The following SLC25A48 variants were observed in gnomAD, a reference collection of about 807,000 sequenced individuals.
The protein encoded by SLC25A48 is CTC-321K16.1.
SLC25A48 carries 29 observed loss-of-function variants against 32.2 expected under a neutral mutation model. The observed-to-expected ratio is 0.90, with a 90% CI of 0.67 to 1.23. The LOEUF is 1.23. Among genes scored for constraint, SLC25A48 ranks in the 50% most tolerant of loss-of-function variants. The pLI, the probability that SLC25A48 is intolerant of heterozygous loss-of-function variation, is 0.00. For synonymous variants in SLC25A48, 164 were observed against 172.3 expected (o/e 0.95, Z 0.38); for missense variants, 399 against 422.7 (o/e 0.94, Z 0.49).
At chr5:135,690,571 C>T (rs1254456851) in intron 3 of SLC25A48, among the ~76,000 whole-genome samples, 3 of 152,184 alleles carry the variant, frequency 2.0e-5, no homozygotes. Context: ...ATTTGCAGCC[C>T]CCACCTGTCC....
At chr5:135,782,241 TGAC>T in intron 3 of SLC25A48, among the ~76,000 whole-genome samples, 3 of 115,976 alleles carry the variant, frequency 2.6e-5, no homozygotes, top group Middle Eastern at 4.6e-3. Context: ...AGGGAGAGGA[TGAC>T]ATTACTCCCA....
rs966457505 is a variant in SLC25A48, at chr5:135,690,628, T to TC, written c.-521+55675dup. Among the ~76,000 whole-genome samples, 5 of 152,292 alleles carry TC rather than the reference T, an allele frequency of 3.3e-5. 1 individual carries two copies. The highest frequency in any genetic ancestry group is 1.2e-4 in the African/African-American group (5 of 41,558). ...TTATGCTGTGCCATCAGCTGAGCCC[T>TC]CCCTTCCCAAAACACCTGCTCATTA... On this transcript the variant is annotated intron_variant, in intron 3 of 10. Coordinates refer to the SLC25A48 transcript ENST00000646290.
At chr5:135,582,031 C>T (rs1447792616) in intron 1 of SLC25A48, among the ~76,000 whole-genome samples, 1 of 152,170 alleles carries the variant, frequency 6.6e-6, no homozygotes, top group African/African-American at 2.4e-5. Context: ...AAGGACAGCA[C>T]ACATGCCTTG....
At chr5:135,628,344 C>T (rs1752484907) in intron 1 of SLC25A48, among the ~76,000 whole-genome samples, 1 of 152,088 alleles carries the variant, frequency 6.6e-6, no homozygotes, top group South Asian at 2.1e-4. Context: ...GGGGAGAATC[C>T]CTCGGAGGTT....
chr5:135,640,600 AT>A (rs1356787904), intron 3 of SLC25A48, among the ~76,000 whole-genome samples: 1 of 152,210 alleles, frequency 6.6e-6, no homozygotes, highest in Non-Finnish European at 1.5e-5. Flanking sequence ...TTAACACGTT[AT>A]AAGGAAATTG....
intron 3 of SLC25A48, chr5:135,649,206 A>C (rs2126923514): frequency 6.6e-6 from 1 of 152,382 alleles, no homozygotes; most frequent in East Asian, 1.9e-4. Flanking sequence ...ATCCACAGAA[A>C]TCACTAGGTA....
At chr5:135,632,255 G>T (rs115884419) in intron 2 of SLC25A48, among the ~76,000 whole-genome samples, 343 of 152,282 alleles carry the variant, frequency 2.3e-3, no homozygotes, top group African/African-American at 8.0e-3. Flanking sequence ...GCAGGAAAGC[G>T]GCAAGGAAGT....
At chr5:135,595,211 G>A (rs954628169) in intron 1 of SLC25A48, among the ~76,000 whole-genome samples, 2 of 152,190 alleles carry the variant, frequency 1.3e-5, no homozygotes, top group African/African-American at 4.8e-5. Context: ...CTCTCATGCA[G>A]CCCCTGTCAC....
intron 3 of SLC25A48, among the ~76,000 whole-genome samples, chr5:135,778,655 G>A (rs1756632358): frequency 6.7e-6 from 1 of 148,816 alleles, no homozygotes; most frequent in African/African-American, 2.5e-5. Flanking sequence ...GAGAGAGGGT[G>A]ACATTGCTCC....
chr5:135,593,561 A>G (rs962348327), intron 1 of SLC25A48, among the ~76,000 whole-genome samples: 2 of 152,232 alleles, frequency 1.3e-5, no homozygotes, highest in African/African-American at 4.8e-5. Context: ...TTCCAGCACC[A>G]TAGACAAAGT....
intron 3 of SLC25A48, among the ~76,000 whole-genome samples, chr5:135,809,145 A>G (rs900036170): frequency 3.9e-5 from 6 of 152,142 alleles, no homozygotes; most frequent in Admixed American, 3.9e-4. Context: ...TACAAAAAAA[A>G]AAAGATAGCC....
At chr5:135,607,120 C>T (rs1016719552) in intron 1 of SLC25A48, among the ~76,000 whole-genome samples, 4 of 152,214 alleles carry the variant, frequency 2.6e-5, no homozygotes, top group Non-Finnish European at 5.9e-5. Flanking sequence ...GGCTGCCCTT[C>T]CAAAGGCGCT....
upstream of SLC25A48, among the ~76,000 whole-genome samples, chr5:135,829,852 T>G (rs1303585094): frequency 6.6e-6 from 1 of 152,002 alleles, no homozygotes; most frequent in Non-Finnish European, 1.5e-5. Context: ...AGAAACTGCT[T>G]GACCTCTCTG....
In SLC25A48 at chr5:135,871,563, C is replaced by T. The variant is rs756058753; in HGVS notation, c.524C>T (p.Ala175Val). ...ITTIVRNEGL[A>V]GLYRGASAML... is the part of the protein sequence containing the mutation. ...ACCATTGTGAGGAATGAGGGCCTGG[C>T]GGGGCTATACCGGGGGGCCAGTGCC... Residue 175 changes from alanine (A) to valine (V), a missense_variant, in exon 5 of 8, where the codon GCG becomes GTG. Physicochemically the swap from Ala to Val is moderately conservative, Grantham distance 64. Transcript: ENST00000681962. The T allele has an allele frequency of 5.6e-6, 9 of 1,614,160 alleles. No individual in the cohort carries two copies. Among genetic ancestry groups the T allele is most frequent in the East Asian group, 2.2e-5 (1 of 44,878 alleles).
chr5:135,592,787 C>T (rs1751556976), intron 1 of SLC25A48, among the ~76,000 whole-genome samples: 1 of 152,060 alleles, frequency 6.6e-6, no homozygotes, highest in Non-Finnish European at 1.5e-5. Flanking sequence ...AGAGCTGGTT[C>T]CCATGCAGGT....
intron 3 of SLC25A48, among the ~76,000 whole-genome samples, chr5:135,646,551 G>A (rs2126920990): frequency 6.6e-6 from 1 of 151,256 alleles, no homozygotes. Context: ...GTTTTTGGAA[G>A]GATTTAATGA....
chr5:135,657,387 A>G (rs930847392), intron 3 of SLC25A48, among the ~76,000 whole-genome samples: 2 of 152,274 alleles, frequency 1.3e-5, no homozygotes, highest in Admixed American at 1.3e-4. Flanking sequence ...ATGAAGACTT[A>G]TGAAAGTCAA....
chr5:135,667,050 A>G (rs898530522), intron 3 of SLC25A48, among the ~76,000 whole-genome samples: 2 of 152,102 alleles, frequency 1.3e-5, no homozygotes, highest in African/African-American at 4.8e-5. Context: ...AGTACATGGA[A>G]TGGTATTTGG....
rs1272099672 is a variant in SLC25A48, at chr5:135,629,174, G to C, written c.-848-63G>C. On this transcript the variant is annotated intron_variant, in intron 1 of 10. Coordinates refer to the SLC25A48 transcript ENST00000646290. This position sits in a 1 kb window ranked among gnomAD's most constrained non-coding sequence, Gnocchi z 4.8. ...AATTCAGGGCTAGAATGGCCCTGAA[G>C]TGTCATCCAGTGCCAGAATCTCCAC... is the stretch of plus-strand genomic sequence containing the variant. 1 of 152,204 alleles carries C rather than the reference G, an allele frequency of 6.6e-6. No homozygotes were observed. Among genetic ancestry groups the C allele is most frequent in the Non-Finnish European group, 1.5e-5 (1 of 68,028 alleles). The allele number at this position is 152,204 out of a possible 1,614,324, so 9.4% of individuals were successfully genotyped here.
Sources: gnomAD v4.1 joint callset for allele counts (sites outside exome capture counted in the v4.1 genomes callset) on GRCh38, gnomAD v4.1.1 for gene constraint, Gnocchi (gnomAD v3.1) non-coding constraint, MANE v1.5 for transcripts, NCBI Gene and HGNC (gene_info 2026-07-23, HGNC 2026-07-21) for gene names.